Variants in ULK4 observed in about 807,000 individuals in gnomAD.
ULK4 encodes the protein unc-51 like kinase 4.
A neutral mutation model predicts 160.6 loss-of-function variants in ULK4; 133 were observed. That is an observed-to-expected ratio of 0.83 (90% CI 0.72 to 0.96). The LOEUF is 0.96. Ranked by LOEUF, ULK4 falls within the 40% of genes least tolerant of loss-of-function variation. The pLI is 0.00. For missense variants in ULK4, 1,580 were observed against 1,499.5 expected (o/e 1.05, Z -0.89); for synonymous variants, 534 against 539.8 (o/e 0.99, Z 0.15).
intron 32 of ULK4, among the ~76,000 whole-genome samples, chr3:41,476,629 T>G (rs957894247): frequency 6.6e-6 from 1 of 152,102 alleles, no homozygotes; most frequent in Non-Finnish European, 1.5e-5. Context: ...TATTTTTTCC[T>G]CTCTTTTCTC....
chr3:41,771,812 T>C (rs2039390601), intron 21 of ULK4, among the ~76,000 whole-genome samples: 1 of 152,228 alleles, frequency 6.6e-6, no homozygotes, highest in South Asian at 2.1e-4. Flanking sequence ...TCCTTTTATT[T>C]AAATTATGGA....
chr3:41,540,278 A>G (rs988976496), intron 32 of ULK4, among the ~76,000 whole-genome samples: 1 of 117,022 alleles, frequency 8.5e-6, no homozygotes, highest in African/African-American at 3.1e-5. Context: ...TATGAGTGAG[A>G]ACATGTGGTG....
At chr3:41,248,127 T>C (rs2078678986) in intron 36 of ULK4, among the ~76,000 whole-genome samples, 1 of 152,180 alleles carries the variant, frequency 6.6e-6, no homozygotes, top group Non-Finnish European at 1.5e-5. Flanking sequence ...TATAGGTCCC[T>C]ACTATGAGGA....
At chr3:41,410,438 C>T (rs73069181) in intron 34 of ULK4, among the ~76,000 whole-genome samples, 12,158 of 151,924 alleles carry the variant, frequency 0.08, 665 homozygotes, top group Non-Finnish European at 0.12. Context: ...TATATATTTC[C>T]ATATATATGA....
At chr3:41,927,943 T>A (rs892886576) in intron 5 of ULK4, among the ~76,000 whole-genome samples, 1 of 152,094 alleles carries the variant, frequency 6.6e-6, no homozygotes, top group East Asian at 1.9e-4. Flanking sequence ...ATTAGACAGA[T>A]CAATGAGACA....
intron 5 of ULK4, among the ~76,000 whole-genome samples, chr3:41,927,967 A>C (rs1468850550): frequency 6.6e-6 from 1 of 152,096 alleles, no homozygotes; most frequent in East Asian, 1.9e-4. Context: ...AATTACAAGG[A>C]TATTCAGACC....
At chr3:41,358,284 G>C (rs1410717078) in intron 35 of ULK4, among the ~76,000 whole-genome samples, 1 of 152,138 alleles carries the variant, frequency 6.6e-6, no homozygotes, top group Non-Finnish European at 1.5e-5. Flanking sequence ...ATAGGTGTTA[G>C]GTATATAGCA....
At chr3:41,829,898 G>A (rs369709728) in intron 18 of ULK4, among the ~76,000 whole-genome samples, 6 of 150,166 alleles carry the variant, frequency 4.0e-5, no homozygotes, top group South Asian at 2.1e-4. Flanking sequence ...AACCAACCCA[G>A]ATGTCCAACA....
At chr3:41,379,053 C>T (rs368921223) in intron 35 of ULK4, among the ~76,000 whole-genome samples, 4 of 151,646 alleles carry the variant, frequency 2.6e-5, no homozygotes, top group Non-Finnish European at 4.4e-5. Flanking sequence ...CAGGGCCTGT[C>T]GGGAGATGGG....
Position 41,954,738 on chromosome 3 carries a change from C to T in ULK4, c.22G>A (p.Glu8Lys). MENFILY[E>K]EIGRGSKTVV... ...GTCTTGCTTCCTCTTCCGATCTCCT[C>T]ATACAGAATAAAGTTTTCCATCTCT... The change falls in exon 2 of 37, where the codon GAG becomes AAG. Residue 8 changes from glutamate to lysine, a missense_variant. Transcript: ENST00000301831. The T allele has an allele frequency of 6.2e-7, 1 of 1,613,516 alleles. No homozygotes were observed. The highest frequency in any genetic ancestry group is 8.5e-7 in the Non-Finnish European group (1 of 1,179,796).
At chr3:41,388,650 G>C (rs2081880029) in intron 35 of ULK4, among the ~76,000 whole-genome samples, 1 of 152,006 alleles carries the variant, frequency 6.6e-6, no homozygotes, top group African/African-American at 2.4e-5. Context: ...CCCATTTCTT[G>C]TTTTTGTCAG....
chr3:41,716,714 T>C (rs1433277997), intron 23 of ULK4, among the ~76,000 whole-genome samples: 1 of 152,246 alleles, frequency 6.6e-6, no homozygotes, highest in Non-Finnish European at 1.5e-5. Context: ...TATAGCTACA[T>C]CTGCTGGAAA....
At chr3:41,366,375 T>C (rs1224333303) in intron 35 of ULK4, among the ~76,000 whole-genome samples, 7 of 152,164 alleles carry the variant, frequency 4.6e-5, no homozygotes, top group Admixed American at 1.3e-4. Flanking sequence ...ATTATGATAT[T>C]GGAAATATAA....
intron 35 of ULK4, among the ~76,000 whole-genome samples, chr3:41,357,982 A>G (rs2081060257): frequency 6.6e-6 from 1 of 152,196 alleles, no homozygotes; most frequent in South Asian, 2.1e-4. Context: ...TCTACAGATG[A>G]AGAAATTGGA....
chr3:41,412,963 T>G (rs529744502), intron 34 of ULK4, among the ~76,000 whole-genome samples: 2 of 152,320 alleles, frequency 1.3e-5, no homozygotes, highest in African/African-American at 4.8e-5. Flanking sequence ...ATAAAAGGCC[T>G]TGTAGTAGTC....
chr3:41,654,689 T>C (rs2034866179), intron 30 of ULK4, among the ~76,000 whole-genome samples: 1 of 152,206 alleles, frequency 6.6e-6, no homozygotes, highest in South Asian at 2.1e-4. Context: ...GCTTGCGTTA[T>C]CCCGTGAAAT....
intron 35 of ULK4, among the ~76,000 whole-genome samples, chr3:41,357,772 A>G (rs1434267630): frequency 1.3e-5 from 2 of 152,202 alleles, no homozygotes; most frequent in East Asian, 1.9e-4. Flanking sequence ...AAAAGGAGAC[A>G]TGTAGATTTG....
At chr3:41,346,387 C>G (rs2080800573) in intron 35 of ULK4, among the ~76,000 whole-genome samples, 2 of 152,106 alleles carry the variant, frequency 1.3e-5, no homozygotes, top group South Asian at 4.1e-4. Context: ...TCACAAGGAA[C>G]CCTAGGTTTC....
intron 32 of ULK4, among the ~76,000 whole-genome samples, chr3:41,506,767 A>AAAAAAAAAAAATATATAT: frequency 3.5e-5 from 2 of 56,766 alleles, no homozygotes; most frequent in African/African-American, 8.2e-5. Flanking sequence ...TGTGATTTAA[A>AAAAAAAAAAAATATATAT]ATATATATAT....
Sources: gnomAD v4.1 joint callset for allele counts (sites outside exome capture counted in the v4.1 genomes callset) on GRCh38, gnomAD v4.1.1 for gene constraint, MANE v1.5 for transcripts, NCBI Gene and HGNC (gene_info 2026-07-23, HGNC 2026-07-21) for gene names.